Variants in PAK1 observed in about 807,000 individuals in gnomAD.
PAK1 encodes p21 (RAC1) activated kinase 1, also known as serine/threonine-protein kinase PAK 1.
In PAK1, 29 loss-of-function variants were observed where a neutral mutation model predicts 67.4. That is an observed-to-expected ratio of 0.43 (90% CI 0.32 to 0.59). The LOEUF (loss-of-function observed/expected upper bound fraction) is 0.59. Ranked by LOEUF, PAK1 falls within the 20% of genes least tolerant of loss-of-function variation. PAK1 has a pLI of 0.07. For synonymous variants in PAK1, 223 were observed against 237.4 expected (o/e 0.94, Z 0.56); for missense variants, 337 against 670.7 (o/e 0.50, Z 5.50).
intron 1 of PAK1, among the ~76,000 whole-genome samples, chr11:77,394,065 T>G (rs1412610957): frequency 6.6e-6 from 1 of 152,212 alleles, no homozygotes; most frequent in East Asian, 1.9e-4. Flanking sequence ...ATGAAAATGT[T>G]ATTATCTTAA....
At chr11:77,502,301 AAATTTTC>A in the PAK1 span, among the ~76,000 whole-genome samples, 1 of 152,228 alleles carries the variant, frequency 6.6e-6, no homozygotes, top group African/African-American at 2.4e-5. Context: ...ACTATGTTGG[AAATTTTC>A]CCATGTCATT....
chr11:77,473,196 G>A (rs1565728551), intron 1 of PAK1, among the ~76,000 whole-genome samples: 2 of 152,252 alleles, frequency 1.3e-5, no homozygotes, highest in African/African-American at 4.8e-5. Context: ...GAGCGCCGCA[G>A]GACTGCGAAG....
intron 1 of PAK1, among the ~76,000 whole-genome samples, chr11:77,433,603 C>T (rs1332441475): frequency 6.6e-6 from 1 of 152,084 alleles, no homozygotes; most frequent in Admixed American, 6.5e-5. Flanking sequence ...CACGGTGAAA[C>T]CCTGTCTCTA....
At chr11:77,404,182 TCCTACATATGATTAC>T (rs1162349376) in intron 1 of PAK1, among the ~76,000 whole-genome samples, 1 of 152,192 alleles carries the variant, frequency 6.6e-6, no homozygotes, top group Non-Finnish European at 1.5e-5. Context: ...TAAGACACTT[TCCTACATATGATTAC>T]CCTACCTCAA....
At chr11:77,520,549 T>C in the PAK1 span, among the ~76,000 whole-genome samples, 3 of 152,154 alleles carry the variant, frequency 2.0e-5, no homozygotes, top group African/African-American at 7.2e-5. Context: ...TGCCAGCATG[T>C]CAGGCTTCTG....
At chr11:77,447,063 A>C (rs1267540418) in intron 1 of PAK1, among the ~76,000 whole-genome samples, 1 of 152,232 alleles carries the variant, frequency 6.6e-6, no homozygotes, top group Non-Finnish European at 1.5e-5. Context: ...TCATTTACCC[A>C]AAACCACACA....
chr11:77,489,660 G>A, the PAK1 span, among the ~76,000 whole-genome samples: 5 of 151,916 alleles, frequency 3.3e-5, no homozygotes, highest in East Asian at 7.7e-4. Flanking sequence ...TGTGTTGGCC[G>A]GGCTGGTCTC....
rs1938690049 is a variant in PAK1, at chr11:77,322,659, GTCAAGGTCC to G, written c.*606_*614del. The G allele has an allele frequency of 8.3e-6, 2 of 241,960 alleles. No homozygotes were observed. Among genetic ancestry groups the G allele is most frequent in the Admixed American group, 9.9e-5 (2 of 20,280 alleles). The allele number at this position is 241,960 out of a possible 1,614,324, so 15.0% of individuals were successfully genotyped here. On this transcript the variant is annotated 3_prime_UTR_variant, in exon 15 of 15. Transcript: ENST00000356341. ...AGAAACAGCATGGGAACACTATTGG[GTCAAGGTCC>G]TCCCGAACAGCTGCTAGAAGCACAC...
the PAK1 span, among the ~76,000 whole-genome samples, chr11:77,494,009 A>G: frequency 4.6e-5 from 7 of 152,350 alleles, no homozygotes; most frequent in Non-Finnish European, 5.9e-5. Flanking sequence ...GAACACTCTC[A>G]TACAATTTTG....
intron 5 of PAK1, among the ~76,000 whole-genome samples, chr11:77,362,289 T>G (rs533097540): frequency 1.3e-5 from 2 of 152,312 alleles, no homozygotes; most frequent in South Asian, 4.1e-4. Flanking sequence ...TTCTTGCAAC[T>G]TCCTCAATTG....
chr11:77,355,914 GT>G, intron 6 of PAK1, 72 bp from the exon 7 acceptor site: 1 of 927,340 alleles, frequency 1.1e-6, no homozygotes, highest in Non-Finnish European at 1.7e-6. Flanking sequence ...TAGATGTGAG[GT>G]TAGAACATCC....
At chr11:77,418,703 T>C (rs1565689258) in intron 1 of PAK1, among the ~76,000 whole-genome samples, 1 of 152,256 alleles carries the variant, frequency 6.6e-6, no homozygotes, top group Non-Finnish European at 1.5e-5. Context: ...CTTTCAGTTT[T>C]TGTCACCTAC....
At chr11:77,489,584 G>C in the PAK1 span, among the ~76,000 whole-genome samples, 342 of 152,258 alleles carry the variant, frequency 2.2e-3, no homozygotes, top group African/African-American at 6.5e-3. Flanking sequence ...GAGTGCCTGC[G>C]ATTGCAGGCG....
At chr11:77,424,237 T>C (rs1955434493) in intron 1 of PAK1, among the ~76,000 whole-genome samples, 1 of 152,188 alleles carries the variant, frequency 6.6e-6, no homozygotes, top group South Asian at 2.1e-4. Flanking sequence ...CTACTGCCTC[T>C]GCCATCAGAA....
At chr11:77,380,546 A>C (rs1175351390) in intron 2 of PAK1, among the ~76,000 whole-genome samples, 1 of 152,170 alleles carries the variant, frequency 6.6e-6, no homozygotes, top group Non-Finnish European at 1.5e-5. Context: ...CGTCTGTCAG[A>C]GTTAACAGTT....
chr11:77,519,882 G>C, the PAK1 span, among the ~76,000 whole-genome samples: 1 of 152,098 alleles, frequency 6.6e-6, no homozygotes, highest in Non-Finnish European at 1.5e-5. Flanking sequence ...CAAAAAGGGA[G>C]AAAAAGAAAA....
intron 5 of PAK1, among the ~76,000 whole-genome samples, chr11:77,373,752 A>G (rs1948743012): frequency 6.6e-6 from 1 of 152,150 alleles, no homozygotes; most frequent in Non-Finnish European, 1.5e-5. Flanking sequence ...TTTCTATAAC[A>G]TCCATTTGAG....
intron 2 of PAK1, among the ~76,000 whole-genome samples, chr11:77,390,982 C>T (rs1951069318): frequency 6.6e-6 from 1 of 152,172 alleles, no homozygotes; most frequent in Admixed American, 6.5e-5. Context: ...AAAGACACTA[C>T]AAATGCAATG....
intron 14 of PAK1, among the ~76,000 whole-genome samples, chr11:77,323,665 T>C (rs562493142): frequency 2.0e-5 from 3 of 152,288 alleles, no homozygotes; most frequent in South Asian, 4.1e-4. Context: ...TTGCTTATAA[T>C]AGCCAATAAC....
Sources: allele counts gnomAD v4.1 joint callset (sites outside exome capture counted in the v4.1 genomes callset), GRCh38; gene constraint gnomAD v4.1.1; transcripts MANE v1.5; gene names NCBI Gene and HGNC (gene_info 2026-07-23, HGNC 2026-07-21).